SLC35E3: variants seen among roughly 807,000 people sequenced by gnomAD.
The protein encoded by SLC35E3 is bladder cancer-overexpressed gene 1 protein.
SLC35E3 carries 28 observed loss-of-function variants against 30.8 expected under a neutral mutation model. The ratio of observed to expected loss-of-function variants is 0.91; its 90% CI spans 0.67 to 1.25. The LOEUF is 1.25. Among genes scored for constraint, SLC35E3 ranks in the 50% most tolerant of loss-of-function variants. The pLI is 0.00. For missense variants in SLC35E3, 365 were observed against 375.4 expected, an observed-to-expected ratio of 0.97 and a Z score of 0.23; for synonymous variants, 146 against 149.2, an observed-to-expected ratio of 0.98 and a Z score of 0.16.
intron 2 of SLC35E3, among the ~76,000 whole-genome samples, chr12:68,749,727 C>T (rs749366905): frequency 3.9e-5 from 6 of 152,202 alleles, no homozygotes; most frequent in Non-Finnish European, 8.8e-5. Context: ...CAGGGAAGGA[C>T]AGCTGGTCTT....
chr12:68,756,534 T>C (rs1879012261), intron 3 of SLC35E3, among the ~76,000 whole-genome samples: 1 of 151,868 alleles, frequency 6.6e-6, no homozygotes, highest in Non-Finnish European at 1.5e-5. Context: ...ACCAATATCC[T>C]TGATGAACAT....
At chr12:68,750,606 C>T (rs750052050) in intron 2 of SLC35E3, among the ~76,000 whole-genome samples, 4 of 152,184 alleles carry the variant, frequency 2.6e-5, no homozygotes, top group African/African-American at 4.8e-5. Flanking sequence ...CATTGAGGGA[C>T]AGTGGAGGCC....
intron 1 of SLC35E3, among the ~76,000 whole-genome samples, chr12:68,747,566 C>T (rs904512249): frequency 6.6e-6 from 1 of 152,128 alleles, no homozygotes. Flanking sequence ...CCGTGCCTGG[C>T]CTTATATTTA....
chr12:68,769,843 A>G lies in SLC35E3; in HGVS notation c.*4953A>G, dbSNP rs1879555640. 2 of 152,244 alleles carry G rather than the reference A, an allele frequency of 1.3e-5. No homozygotes were observed. The highest frequency in any genetic ancestry group is 4.1e-4 in the South Asian group (2 of 4,832). 9.4% of individuals were successfully genotyped at this position (152,244 alleles called of 1,614,324 possible). ...AGGTACTGTCCTAGGCATTATGGAT[A>G]TAAAACAGTTTTTATGTAGAGACAG... On this transcript the variant is annotated 3_prime_UTR_variant, in exon 5 of 5. Transcript: ENST00000398004.
At position 68,765,204 on chromosome 12, in the gene SLC35E3, C is replaced by T. The variant is rs1002424312; in HGVS notation, c.*314C>T. 2.8e-5 allele frequency: 5 copies of T among 176,598 alleles called. No individual in the cohort carries two copies. Among genetic ancestry groups the T allele is most frequent in the East Asian group, 1.5e-4 (1 of 6,668 alleles). 10.9% of individuals were successfully genotyped at this position (176,598 alleles called of 1,614,324 possible). On this transcript the variant is annotated 3_prime_UTR_variant, in exon 5 of 5. Coordinates refer to ENST00000398004, the MANE Select transcript of SLC35E3 (RefSeq NM_018656.5). ...CCGGGAGGCGGCGGTTGCAGTGAGC[C>T]GAGATCGTACCATTGCACTCCAGCC...
intron 4 of SLC35E3, among the ~76,000 whole-genome samples, chr12:68,761,809 G>A (rs182127987): frequency 3.3e-5 from 5 of 152,294 alleles, no homozygotes; most frequent in East Asian, 3.9e-4. Context: ...TTTTGCTGCC[G>A]AGTTGGATGT....
intron 3 of SLC35E3, among the ~76,000 whole-genome samples, chr12:68,756,402 G>T (rs1297311341): frequency 6.7e-6 from 1 of 148,556 alleles, no homozygotes; most frequent in African/African-American, 2.5e-5. Flanking sequence ...TCCCTAGGAG[G>T]CATCCTTGAC....
chr12:68,755,855 A>G (rs548383572), intron 3 of SLC35E3, among the ~76,000 whole-genome samples: 1 of 152,338 alleles, frequency 6.6e-6, no homozygotes, highest in South Asian at 2.1e-4. Flanking sequence ...CCTCACTTCC[A>G]ACATTGGTGA....
At chr12:68,760,666 A>T (rs1452167751) in intron 4 of SLC35E3, among the ~76,000 whole-genome samples, 1 of 152,192 alleles carries the variant, frequency 6.6e-6, no homozygotes, top group Non-Finnish European at 1.5e-5. Context: ...ACATTAATTT[A>T]TTCAATAAGT....
rs1311117680 is a variant in SLC35E3, at chr12:68,780,420, A to AC, written c.*15532dup. 7.0e-6 allele frequency: 1 copy of AC among 141,926 alleles called. No homozygotes were observed. Among genetic ancestry groups the AC allele is most frequent in the East Asian group, 2.1e-4 (1 of 4,778 alleles). The allele number at this position is 141,926 out of a possible 1,614,324, so 8.8% of individuals were successfully genotyped here. A position where few individuals can be genotyped will look rare whatever the true frequency, so the allele number is the denominator to read the frequency against. On this transcript the variant is annotated 3_prime_UTR_variant, in exon 5 of 5. Transcript: ENST00000398004. ...AACCTTGAGCTCAAGAGATCTGCCC[A>AC]CCTTGGCCTCTCAAAGTGCTGGGAT...
Position 68,746,699 on chromosome 12 carries a change from G to A in SLC35E3, c.322G>A (p.Ala108Thr). The change falls in exon 1 of 5, where the codon GCC becomes ACC. Residue 108 changes from alanine to threonine, a missense_variant. Transcript: ENST00000398004. ...NTIGTYQLAKAMTTPVIIAIQ... is the reference protein window; with the variant it reads ...NTIGTYQLAKTMTTPVIIAIQ... ...CATAGGCACCTATCAGCTGGCCAAGGCCATGACCACGCCGGTGATCATAGC... is the reference window on the plus strand; with the variant it reads ...CATAGGCACCTATCAGCTGGCCAAGACCATGACCACGCCGGTGATCATAGC... 1 of 1,614,084 alleles carries A rather than the reference G, an allele frequency of 6.2e-7. No homozygotes were observed. The highest frequency in any genetic ancestry group is 8.5e-7 in the Non-Finnish European group (1 of 1,179,954).
At chr12:68,761,429 T>C (rs1175811734) in intron 4 of SLC35E3, among the ~76,000 whole-genome samples, 3 of 152,180 alleles carry the variant, frequency 2.0e-5, no homozygotes, top group African/African-American at 7.2e-5. Flanking sequence ...CACTCAGGAC[T>C]CCTGTGTTGA....
At chr12:68,763,193 A>G (rs1879280741) in intron 4 of SLC35E3, among the ~76,000 whole-genome samples, 1 of 152,198 alleles carries the variant, frequency 6.6e-6, no homozygotes, top group Non-Finnish European at 1.5e-5. Context: ...TTTAATCCTT[A>G]CAATAACCGT....
Position 68,774,766 on chromosome 12 carries a change from C to CAA in SLC35E3, c.*9887_*9888dup, listed in dbSNP as rs71091557. 0.058 allele frequency: 7,157 copies of CAA among 122,386 alleles called. 314 individuals carry two copies. The highest frequency in any genetic ancestry group is 0.078 in the Non-Finnish European group (4,773 of 61,062). 7.6% of individuals were successfully genotyped at this position (122,386 alleles called of 1,614,324 possible). On this transcript the variant is annotated 3_prime_UTR_variant, in exon 5 of 5. Transcript: ENST00000398004. ...AACAAACAAAACAAACAAAAATAAG[C>CAA]AAAAAAAAAAAAGTGTTGAGCAGCT... is the stretch of plus-strand genomic sequence containing the variant.
chr12:68,753,460 AAAACC>A (rs1195543156), intron 3 of SLC35E3, among the ~76,000 whole-genome samples: 1 of 151,936 alleles, frequency 6.6e-6, no homozygotes, highest in Non-Finnish European at 1.5e-5. Flanking sequence ...CTCAAAAAAA[AAAACC>A]AAACCAAAAC....
intron 1 of SLC35E3, among the ~76,000 whole-genome samples, 176 bp downstream of exon 1, chr12:68,746,955 G>C (rs781155291): frequency 6.6e-6 from 1 of 152,232 alleles, no homozygotes; most frequent in Non-Finnish European, 1.5e-5. Flanking sequence ...CATCTTGTCA[G>C]CCCAGAAGAG....
intron 4 of SLC35E3, among the ~76,000 whole-genome samples, chr12:68,760,976 A>G (rs953445443): frequency 1.3e-5 from 2 of 152,228 alleles, no homozygotes; most frequent in African/African-American, 4.8e-5. Flanking sequence ...TGGGAAGACG[A>G]CATTTGAGTA....
chr12:68,751,704 C>T (rs567893827), intron 2 of SLC35E3, among the ~76,000 whole-genome samples: 2 of 152,166 alleles, frequency 1.3e-5, no homozygotes, highest in Admixed American at 1.3e-4. Flanking sequence ...TTCCCAAGAT[C>T]TTTTATCCTT....
Position 68,780,498 on chromosome 12 carries a change from T to C in SLC35E3, c.*15608T>C, listed in dbSNP as rs1565723313. 6.7e-6 allele frequency: 1 copy of C among 149,392 alleles called. No individual in the cohort carries two copies. Among genetic ancestry groups the C allele is most frequent in the African/African-American group, 2.5e-5 (1 of 40,030 alleles). The allele number at this position is 149,392 out of a possible 1,614,324, so 9.3% of individuals were successfully genotyped here. ...TAGTCACACTTTTTTTTTTTTTTTTTTTTTTGGAGACAGAGTTTCACTCTT... is the reference window on the plus strand; with the variant it reads ...TAGTCACACTTTTTTTTTTTTTTTTCTTTTTGGAGACAGAGTTTCACTCTT... On this transcript the variant is annotated 3_prime_UTR_variant, in exon 5 of 5. Transcript: ENST00000398004.
Sources: gnomAD v4.1 joint callset for allele counts (sites outside exome capture counted in the v4.1 genomes callset) on GRCh38, gnomAD v4.1.1 for gene constraint, MANE v1.5 for transcripts, NCBI Gene and HGNC (gene_info 2026-07-23, HGNC 2026-07-21) for gene names.